MGA: variants seen among roughly 807,000 people sequenced by gnomAD.
MGA encodes the protein MAX dimerization protein MGA.
MGA carries 40 observed loss-of-function variants against 261.1 expected under a neutral mutation model. The ratio of observed to expected loss-of-function variants is 0.15; its 90% CI spans 0.12 to 0.20. The LOEUF (loss-of-function observed/expected upper bound fraction) is 0.20. MGA is among the 10% of genes least tolerant of loss of function. The pLI is 1.00. For missense variants in MGA, 3,397 were observed against 3,630.5 expected, an observed-to-expected ratio of 0.94 and a Z score of 1.65; for synonymous variants, 1,302 against 1,290.6, an observed-to-expected ratio of 1.01 and a Z score of -0.19.
At chr15:41,643,782 CT>C (rs1341511051) in intron 1 of MGA, among the ~76,000 whole-genome samples, 2 of 143,382 alleles carry the variant, frequency 1.4e-5, no homozygotes, top group African/African-American at 5.2e-5. Flanking sequence ...TTTTTTTTCC[CT>C]GAGATGAAGT....
chr15:41,684,010 A>G (rs1229916538), intron 2 of MGA, among the ~76,000 whole-genome samples: 3 of 152,040 alleles, frequency 2.0e-5, no homozygotes, highest in Non-Finnish European at 4.4e-5. Flanking sequence ...CACCAGTTTT[A>G]CGGAAGGCGT....
intron 9 of MGA, among the ~76,000 whole-genome samples, chr15:41,718,909 C>G (rs2060797889): frequency 1.3e-5 from 2 of 151,884 alleles, no homozygotes; most frequent in Non-Finnish European, 1.5e-5. Flanking sequence ...GAGGTCCTAG[C>G]CAGTGCAGTA....
upstream of MGA, among the ~76,000 whole-genome samples, chr15:41,658,149 TTTTG>T (rs1409776654): frequency 3.9e-5 from 6 of 152,202 alleles, no homozygotes; most frequent in African/African-American, 1.4e-4. Flanking sequence ...CTCTCTAGTT[TTTTG>T]TTTGTTTCCC....
At chr15:41,670,812 A>G (rs916580691) in intron 2 of MGA, among the ~76,000 whole-genome samples, 2 of 152,114 alleles carry the variant, frequency 1.3e-5, no homozygotes, top group Non-Finnish European at 2.9e-5. Flanking sequence ...GGCCGTAAGC[A>G]ATACTGTTTT....
intron 2 of MGA, among the ~76,000 whole-genome samples, chr15:41,695,017 G>A (rs957716187): frequency 6.6e-6 from 1 of 152,064 alleles, no homozygotes; most frequent in African/African-American, 2.4e-5. Context: ...ATTTGTTAGT[G>A]AATATATATA....
intron 9 of MGA, among the ~76,000 whole-genome samples, chr15:41,715,137 C>CTTT (rs766195852): frequency 7.2e-5 from 9 of 124,540 alleles, no homozygotes; most frequent in Admixed American, 2.5e-4. Context: ...TGGTTTCTGT[C>CTTT]TTTTTTTTTT....
chr15:41,676,257 A>G (rs1425413667), intron 2 of MGA, among the ~76,000 whole-genome samples: 2 of 151,900 alleles, frequency 1.3e-5, no homozygotes. Flanking sequence ...ATCTTGGCTC[A>G]CTGCAACCTC....
At chr15:41,723,151 C>G (rs2061039528) in intron 9 of MGA, among the ~76,000 whole-genome samples, 1 of 152,120 alleles carries the variant, frequency 6.6e-6, no homozygotes, top group Non-Finnish European at 1.5e-5. Flanking sequence ...TTAATTCCAC[C>G]TTTTCCTGCT....
At chr15:41,677,404 G>A (rs1343317735) in intron 2 of MGA, among the ~76,000 whole-genome samples, 1 of 152,222 alleles carries the variant, frequency 6.6e-6, no homozygotes, top group Admixed American at 6.5e-5. Flanking sequence ...AGCCTCTCAA[G>A]TGCTGGATTA....
At chr15:41,627,037 G>C (rs1330123135) in intron 1 of MGA, among the ~76,000 whole-genome samples, 1 of 152,000 alleles carries the variant, frequency 6.6e-6, no homozygotes, top group Non-Finnish European at 1.5e-5. Flanking sequence ...CACCCAAGTA[G>C]CTGGGATTAC....
intron 2 of MGA, among the ~76,000 whole-genome samples, chr15:41,670,794 C>T (rs1323815990): frequency 2.0e-5 from 3 of 152,226 alleles, no homozygotes; most frequent in Non-Finnish European, 4.4e-5. Context: ...GCGTGAGCCA[C>T]CGTGCCCGGC....
chr15:41,696,254 C>A lies in MGA; in HGVS notation c.1244C>A (p.Ser415Ter). ...ACAGATGAAGAGACGGATGTATACT[C>A]AAACAGTGATGATGATCCTATACTA... Residue 415 changes from serine (S) to a stop codon, truncating the protein, a stop_gained, in exon 3 of 24, where the codon TCA (serine) becomes TAA (stop). Transcript: ENST00000219905. LOFTEE classifies it high-confidence loss of function. 6.2e-7 allele frequency: 1 copy of A among 1,613,896 alleles called. No individual in the cohort carries two copies. The highest frequency in any genetic ancestry group is 8.5e-7 in the Non-Finnish European group (1 of 1,179,890).
intron 11 of MGA, among the ~76,000 whole-genome samples, chr15:41,734,262 G>A (rs2061659425): frequency 6.6e-6 from 1 of 151,774 alleles, no homozygotes; most frequent in African/African-American, 2.4e-5. Flanking sequence ...CAGTAAATAT[G>A]TTTCCCTCTT....
intron 1 of MGA, among the ~76,000 whole-genome samples, chr15:41,646,000 A>G (rs1193390408): frequency 6.6e-6 from 1 of 152,224 alleles, no homozygotes; most frequent in Non-Finnish European, 1.5e-5. Flanking sequence ...AGAGCCATTC[A>G]GTGTTCAATT....
At chr15:41,647,365 C>A (rs1316505803) in intron 1 of MGA, among the ~76,000 whole-genome samples, 1 of 152,170 alleles carries the variant, frequency 6.6e-6, no homozygotes, top group Admixed American at 6.6e-5. Flanking sequence ...GATTCTCTGT[C>A]CTGAGCACTA....
chr15:41,709,993 A>G (rs530199850), intron 7 of MGA, among the ~76,000 whole-genome samples: 1 of 151,522 alleles, frequency 6.6e-6, no homozygotes, highest in Non-Finnish European at 1.5e-5. Context: ...ATGCTCAGCT[A>G]ATTTTGTATT....
At chr15:41,661,940 C>G (rs1315201754) in intron 1 of MGA, among the ~76,000 whole-genome samples, 1 of 152,118 alleles carries the variant, frequency 6.6e-6, no homozygotes, top group Admixed American at 6.5e-5. Flanking sequence ...CGGGACTCTT[C>G]CCCGGAAGAG....
chr15:41,734,342 T>A (rs1478226905), intron 11 of MGA, among the ~76,000 whole-genome samples, 180 bp from the exon 12 acceptor site: 2 of 152,228 alleles, frequency 1.3e-5, no homozygotes, highest in East Asian at 3.8e-4. Flanking sequence ...CAAAACTATG[T>A]GTTTTTACCC....
intron 14 of MGA, 90 bp downstream of exon 14, chr15:41,740,293 A>G: frequency 7.5e-7 from 1 of 1,326,218 alleles, no homozygotes. Flanking sequence ...AAATTAGAGA[A>G]ATATGTACTT....
Sources: allele counts gnomAD v4.1 joint callset (sites outside exome capture counted in the v4.1 genomes callset), GRCh38; gene constraint gnomAD v4.1.1; transcripts MANE v1.5; gene names NCBI Gene and HGNC (gene_info 2026-07-23, HGNC 2026-07-21).